Variants in RCOR1 observed in about 807,000 individuals in gnomAD.
RCOR1 encodes the protein REST corepressor 1.
RCOR1 carries 12 observed loss-of-function variants against 64.0 expected under a neutral mutation model. That is an observed-to-expected ratio of 0.19 (90% CI 0.12 to 0.30). RCOR1 has a LOEUF of 0.30. Ranked by LOEUF, RCOR1 falls within the 10% of genes least tolerant of loss-of-function variation. The pLI is 1.00. For synonymous variants in RCOR1, 279 were observed against 227.2 expected, an observed-to-expected ratio of 1.23 and a Z score of -2.05; for missense variants, 502 against 621.2, an observed-to-expected ratio of 0.81 and a Z score of 2.04.
At chr14:102,604,311 C>T (rs1005078950) in intron 2 of RCOR1, among the ~76,000 whole-genome samples, 2 of 152,130 alleles carry the variant, frequency 1.3e-5, no homozygotes, top group African/African-American at 2.4e-5. Flanking sequence ...TAGTTTCCCA[C>T]GAAAGGTTAA....
At chr14:102,688,406 G>A (rs534587339) in intron 3 of RCOR1, among the ~76,000 whole-genome samples, 88 of 152,328 alleles carry the variant, frequency 5.8e-4, no homozygotes, top group Non-Finnish European at 1.1e-3. Context: ...TTAAAGGTTT[G>A]GAGGATCTCT....
chr14:102,667,181 A>G (rs2139945221), intron 2 of RCOR1, among the ~76,000 whole-genome samples: 1 of 152,096 alleles, frequency 6.6e-6, no homozygotes, highest in East Asian at 1.9e-4. Context: ...TCCTGGACAA[A>G]CAGGGCAAGA....
chr14:102,640,151 A>G (rs1377631802), intron 2 of RCOR1, among the ~76,000 whole-genome samples: 1 of 151,632 alleles, frequency 6.6e-6, no homozygotes, highest in Non-Finnish European at 1.5e-5. Flanking sequence ...AGCCATATAT[A>G]TATGTATTTT....
intron 3 of RCOR1, among the ~76,000 whole-genome samples, chr14:102,691,042 T>C (rs1895521661): frequency 1.3e-5 from 2 of 152,234 alleles, no homozygotes; most frequent in African/African-American, 4.8e-5. Flanking sequence ...ACCTTGTGGC[T>C]ATCATTTGTT....
intron 2 of RCOR1, among the ~76,000 whole-genome samples, chr14:102,647,285 C>T (rs1331807797): frequency 6.6e-6 from 1 of 152,122 alleles, no homozygotes; most frequent in Non-Finnish European, 1.5e-5. Flanking sequence ...GGAGCAGTGT[C>T]CTCAGAATTC....
At chr14:102,637,758 A>AT (rs1234041160) in intron 2 of RCOR1, among the ~76,000 whole-genome samples, 1 of 151,994 alleles carries the variant, frequency 6.6e-6, no homozygotes, top group South Asian at 2.1e-4. Context: ...CTGCAAAGCG[A>AT]TTTTTTTTGA....
chr14:102,686,364 C>A (rs1895419141), intron 3 of RCOR1, among the ~76,000 whole-genome samples: 1 of 152,210 alleles, frequency 6.6e-6, no homozygotes, highest in Admixed American at 6.5e-5. Flanking sequence ...CACACACCCA[C>A]ACCCTCCCCC....
chr14:102,602,917 A>G (rs1893432818), intron 2 of RCOR1, among the ~76,000 whole-genome samples: 1 of 151,872 alleles, frequency 6.6e-6, no homozygotes, highest in African/African-American at 2.4e-5. Flanking sequence ...AGTTGCCCAG[A>G]CTGGTCTCCA....
chr14:102,676,866 C>G (rs1895177828), intron 2 of RCOR1, among the ~76,000 whole-genome samples: 1 of 110,794 alleles, frequency 9.0e-6, no homozygotes, highest in Admixed American at 7.8e-5. Flanking sequence ...GCTGACCCCC[C>G]ACCTCCCTCC....
intron 2 of RCOR1, among the ~76,000 whole-genome samples, chr14:102,607,719 T>C (rs149120514): frequency 2.2e-3 from 338 of 152,202 alleles, no homozygotes; most frequent in African/African-American, 7.8e-3. Flanking sequence ...CCATATCTAC[T>C]AAAAGTATAA....
intron 2 of RCOR1, among the ~76,000 whole-genome samples, chr14:102,637,742 A>T (rs2139917590): frequency 6.6e-6 from 1 of 152,330 alleles, no homozygotes; most frequent in South Asian, 2.1e-4. Flanking sequence ...GAGTCACCTC[A>T]CATGGCTGCA....
chr14:102,633,745 G>T (rs1894175183), intron 2 of RCOR1, among the ~76,000 whole-genome samples: 1 of 151,576 alleles, frequency 6.6e-6, no homozygotes, highest in Non-Finnish European at 1.5e-5. Context: ...CACCATGTTG[G>T]CCAGGCTGGT....
Position 102,721,368 on chromosome 14 carries a change from G to A in RCOR1, c.1180G>A (p.Ala394Thr), listed in dbSNP as rs781329569. The A allele has an allele frequency of 1.2e-5, 20 of 1,613,094 alleles. No homozygotes were observed. Among genetic ancestry groups the A allele is most frequent in the Admixed American group, 1.7e-5 (1 of 59,984 alleles). Residue 394 changes from alanine to threonine, a missense_variant, in exon 10 of 12, where the codon GCC becomes ACC. This residue lies in a region of RCOR1 where 260 missense variants were observed against 416.4 expected (regional missense o/e 0.62). Transcript: ENST00000262241. The stretch of plus-strand genomic sequence containing the variant: ...TTGGACTACAGAAGAGCAGCTTCTC[G>A]CCGTACAAGGTAGGGGGAAGTTCTT... Reference protein sequence around the residue: ...ARWTTEEQLLAVQAIRKYGRD... With the variant: ...ARWTTEEQLLTVQAIRKYGRD...
At chr14:102,677,468 T>C (rs1398033625) in intron 2 of RCOR1, among the ~76,000 whole-genome samples, 6 of 108,764 alleles carry the variant, frequency 5.5e-5, no homozygotes, top group Non-Finnish European at 1.1e-4. Context: ...GGCAGAGGGT[T>C]TCCTCACTTC....
At chr14:102,610,402 A>G (rs1178763622) in intron 2 of RCOR1, among the ~76,000 whole-genome samples, 2 of 152,122 alleles carry the variant, frequency 1.3e-5, no homozygotes, top group Non-Finnish European at 2.9e-5. Context: ...CTTCTGTTAC[A>G]CTAGGCACAT....
chr14:102,656,782 CT>C (rs540519475), intron 2 of RCOR1, among the ~76,000 whole-genome samples: 71 of 144,338 alleles, frequency 4.9e-4, no homozygotes, highest in South Asian at 2.0e-3. Context: ...CTTTTCTTTT[CT>C]TTTTTTTTTT....
chr14:102,632,761 TCCCCTCCC>T (rs1567415365), intron 2 of RCOR1, among the ~76,000 whole-genome samples: 1 of 55,178 alleles, frequency 1.8e-5, no homozygotes, highest in Non-Finnish European at 3.1e-5. Flanking sequence ...TCCCCTCCCC[TCCCCTCCC>T]CTCTCCTCCC....
At chr14:102,634,733 A>G (rs1277438902) in intron 2 of RCOR1, among the ~76,000 whole-genome samples, 3 of 151,202 alleles carry the variant, frequency 2.0e-5, no homozygotes, top group Non-Finnish European at 2.9e-5. Context: ...GTCTTGCTCT[A>G]TCGCTCAGGC....
intron 2 of RCOR1, among the ~76,000 whole-genome samples, chr14:102,596,473 T>G (rs1220589562): frequency 6.6e-6 from 1 of 152,224 alleles, no homozygotes; most frequent in Non-Finnish European, 1.5e-5. Context: ...TTTCCATGAC[T>G]GCAATTTAAG....
Sources: gnomAD v4.1 joint callset for allele counts (sites outside exome capture counted in the v4.1 genomes callset) on GRCh38, gnomAD v4.1.1 for gene constraint, gnomAD v4.1.1 regional missense constraint, MANE v1.5 for transcripts, NCBI Gene and HGNC (gene_info 2026-07-23, HGNC 2026-07-21) for gene names.